The following GTF2I variants were observed in gnomAD, a reference collection of about 807,000 sequenced individuals.
The protein encoded by GTF2I is general transcription factor IIi, also known as general transcription factor II-I.
Under a neutral mutation model 67.6 loss-of-function variants are expected in GTF2I, and 12 were observed. That is an observed-to-expected ratio of 0.18 (90% CI 0.11 to 0.29). The LOEUF (loss-of-function observed/expected upper bound fraction) is 0.29, where lower values mean the gene tolerates loss of function less well. GTF2I is among the 10% of genes least tolerant of loss of function. The probability of loss-of-function intolerance (pLI) is 1.00; values close to 1 mark genes in which losing one functional copy is unlikely to be tolerated. For missense variants in GTF2I, 271 were observed against 580.1 expected (o/e 0.47, Z 5.47); for synonymous variants, 149 against 197.0 (o/e 0.76, Z 2.04).
At chr7:74,683,905 G>A (rs1173926790) in intron 1 of GTF2I, among the ~76,000 whole-genome samples, 1 of 151,940 alleles carries the variant, frequency 6.6e-6, no homozygotes, top group Non-Finnish European at 1.5e-5. Flanking sequence ...CATTCCTTAT[G>A]AGCACAGAGC....
At chr7:74,687,786 G>A (rs1472061361) in intron 1 of GTF2I, among the ~76,000 whole-genome samples, 1 of 152,114 alleles carries the variant, frequency 6.6e-6, no homozygotes, top group East Asian at 1.9e-4. Flanking sequence ...AGGAATACTC[G>A]GGTGTTGTCA....
At chr7:74,702,560 G>T (rs1229804702) in intron 6 of GTF2I, among the ~76,000 whole-genome samples, 1 of 152,082 alleles carries the variant, frequency 6.6e-6, no homozygotes, top group Non-Finnish European at 1.5e-5. Context: ...TGTTTTCCAA[G>T]GTGGCTATAC....
intron 3 of GTF2I, among the ~76,000 whole-genome samples, chr7:74,693,846 A>T (rs990167720): frequency 2.0e-5 from 3 of 152,080 alleles, no homozygotes; most frequent in Admixed American, 1.3e-4. Flanking sequence ...CTCCGTCTCA[A>T]CGAAAAAAAA....
At position 74,717,696 on chromosome 7, in the gene GTF2I, T is replaced by C. The variant is rs587600161; in HGVS notation, c.880+746T>C. 3.3e-5 allele frequency among the ~76,000 whole-genome samples: 5 copies of C among 152,328 alleles called. No homozygotes were observed. The East Asian group carries it at 7.7e-4, about 23-fold the overall frequency. On this transcript the variant is annotated intron_variant, in intron 11 of 34. Transcript: ENST00000573035. Reference sequence around the variant, plus strand: ...CTAGAATGAAAAGAGGAGTCTGTTGTGTAACTGCTTATATTCCATTGTATT... The same window carrying C: ...CTAGAATGAAAAGAGGAGTCTGTTGCGTAACTGCTTATATTCCATTGTATT...
chr7:74,716,934 G>C lies in GTF2I; in HGVS notation c.864G>C (p.Met288Ile). Residue 288 changes from methionine (M) to isoleucine (I), a missense_variant, in exon 11 of 35, where the codon ATG (methionine) becomes ATC (isoleucine). By Grantham distance (10) the Met-to-Ile change is conservative. Coordinates refer to ENST00000573035, the MANE Select transcript of GTF2I (RefSeq NM_032999.4). ...HSSEGNEGTE[M>I]EVPAEDSTQH... ...CAGAGGGCAATGAAGGCACAGAAAT[G>C]GAAGTACCAGCAGAAGGTTAGGAGA... 1 of 1,607,048 alleles carries C rather than the reference G, an allele frequency of 6.2e-7. No individual in the cohort carries two copies. Among genetic ancestry groups the C allele is most frequent in the Non-Finnish European group, 8.5e-7 (1 of 1,175,882 alleles).
At chr7:74,678,556 C>T (rs1786905849) in intron 1 of GTF2I, among the ~76,000 whole-genome samples, 1 of 151,786 alleles carries the variant, frequency 6.6e-6, no homozygotes, top group African/African-American at 2.4e-5. Context: ...AATAATGGGC[C>T]TGGTGTTTCT....
chr7:74,697,606 C>T (rs758634063), intron 3 of GTF2I, among the ~76,000 whole-genome samples: 15 of 152,062 alleles, frequency 9.9e-5, no homozygotes, highest in South Asian at 6.2e-4. Flanking sequence ...GTAACCAATA[C>T]AAATTTTCTT....
rs781970131 is a variant in GTF2I at position 74,688,091 on chromosome 7, T to G, written c.-5-1033T>G. On this transcript the variant is annotated intron_variant, in intron 1 of 34. Coordinates refer to ENST00000573035, the MANE Select transcript of GTF2I (RefSeq NM_032999.4). Reference sequence around the variant, plus strand: ...TTTTGGTAAAATATACATAATTTTTTTGTGTGTGTGACAGGCTCACTCTGT... The same window carrying G: ...TTTTGGTAAAATATACATAATTTTTGTGTGTGTGTGACAGGCTCACTCTGT... Among the ~76,000 whole-genome samples, 29 of 152,282 alleles carry G rather than the reference T, an allele frequency of 1.9e-4. 1 individual carries two copies. Among genetic ancestry groups the G allele is most frequent in the Admixed American group, 7.2e-4 (11 of 15,274 alleles).
rs373693852 is a variant in GTF2I at position 74,714,898 on chromosome 7, C to T, written c.805C>T (p.Leu269=). Residue 269 remains leucine (L), a synonymous_variant, in exon 10 of 35, where the codon CTA becomes TTA. Transcript: ENST00000573035. The part of the protein sequence containing the change: ...ETDDVDEKQP[L]SKPLQGSHHS... ...TGATGATGTTGATGAAAAACAGCCC[C>T]TATCGAAGCCTTTGCAAGGTATAAT... 3.7e-6 allele frequency: 6 copies of T among 1,605,640 alleles called. No homozygotes were observed. The African/African-American group carries it at 5.4e-5, about 14-fold the overall frequency.
chr7:74,723,580 G>A (rs1793372367), intron 12 of GTF2I, among the ~76,000 whole-genome samples: 1 of 151,318 alleles, frequency 6.6e-6, no homozygotes. Context: ...ACAGGCACAC[G>A]CCACCATGTC....
intron 19 of GTF2I, among the ~76,000 whole-genome samples, chr7:74,739,053 C>T (rs1359455970): frequency 3.0e-5 from 1 of 33,216 alleles, no homozygotes; most frequent in Non-Finnish European, 7.3e-5. Flanking sequence ...TTTTTTGAGA[C>T]GGAGCCTCAC....
chr7:74,749,987 G>C (rs880002755), intron 26 of GTF2I, among the ~76,000 whole-genome samples: 1 of 136,772 alleles, frequency 7.3e-6, no homozygotes, highest in African/African-American at 2.6e-5. Flanking sequence ...AACGACTTTT[G>C]GTTGCTAAAT....
intron 12 of GTF2I, among the ~76,000 whole-genome samples, chr7:74,721,832 A>G (rs974801873): frequency 1.3e-5 from 2 of 152,040 alleles, no homozygotes; most frequent in African/African-American, 4.8e-5. Flanking sequence ...CTGAAAAAAG[A>G]TCTCTAATAT....
rs587647141 is a variant in GTF2I at position 74,705,264 on chromosome 7, A to G, written c.641+46A>G. The G allele has an allele frequency of 9.5e-6, 11 of 1,154,216 alleles. 1 individual carries two copies. In the South Asian group the frequency reaches 1.3e-4, roughly 13 times the overall value. The allele number at this position is 1,154,216 out of a possible 1,614,324, so 71.5% of individuals were successfully genotyped here. ...TGCTGTTTAACTCCCACACCTCAAA[A>G]AGTTTTAGTTGTTAGATAATTGAGA... On this transcript the variant is annotated intron_variant, in intron 7 of 34. Coordinates refer to ENST00000573035, the MANE Select transcript of GTF2I (RefSeq NM_032999.4).
intron 1 of GTF2I, chr7:74,687,513 A>T (rs1787843912): frequency 4.1e-6 from 4 of 980,892 alleles, no homozygotes; most frequent in Non-Finnish European, 4.8e-6. Context: ...GTGAGCCACC[A>T]CGCCCAGTGG....
chr7:74,704,796 A>C (rs1790374175), intron 6 of GTF2I, among the ~76,000 whole-genome samples: 1 of 144,430 alleles, frequency 6.9e-6, no homozygotes, highest in South Asian at 2.3e-4. Context: ...TGGAGGCTGC[A>C]GTGAGCTATG....
intron 12 of GTF2I, chr7:74,727,962 T>C (rs1297201496): frequency 6.6e-6 from 1 of 152,302 alleles, no homozygotes; most frequent in African/African-American, 2.4e-5. Context: ...TTCATCATAA[T>C]GCAGCCCTAT....
intron 6 of GTF2I, among the ~76,000 whole-genome samples, chr7:74,704,242 A>G (rs1400105213): frequency 6.6e-6 from 1 of 150,748 alleles, no homozygotes; most frequent in Non-Finnish European, 1.5e-5. Context: ...TCAGACTTAA[A>G]AGTTTTTTTT....
At chr7:74,686,052 G>A (rs1787699326) in intron 1 of GTF2I, among the ~76,000 whole-genome samples, 1 of 152,150 alleles carries the variant, frequency 6.6e-6, no homozygotes, top group Non-Finnish European at 1.5e-5. Flanking sequence ...AGACTTGGTC[G>A]CAGTCAGTCT....
Sources: allele counts gnomAD v4.1 joint callset (sites outside exome capture counted in the v4.1 genomes callset), GRCh38; gene constraint gnomAD v4.1.1; transcripts MANE v1.5; gene names NCBI Gene and HGNC (gene_info 2026-07-23, HGNC 2026-07-21).